The following ADAM11 variants were observed in gnomAD, a reference collection of about 807,000 sequenced individuals.
The protein encoded by ADAM11 is disintegrin and metalloproteinase domain-containing protein 11.
ADAM11 carries 49 observed loss-of-function variants against 119.1 expected under a neutral mutation model. The observed-to-expected ratio is 0.41, with a 90% CI of 0.33 to 0.52. The LOEUF is 0.52. Ranked by LOEUF, ADAM11 falls within the 20% of genes least tolerant of loss-of-function variation. The pLI is 0.20. For missense variants in ADAM11, 777 were observed against 1,047.5 expected (o/e 0.74, Z 3.56); for synonymous variants, 364 against 408.0 (o/e 0.89, Z 1.30).
chr17:44,772,175 G>C lies in ADAM11; in HGVS notation c.544-92G>C. On this transcript the variant is annotated intron_variant, in intron 6 of 26. Coordinates refer to ENST00000200557, the MANE Select transcript of ADAM11 (RefSeq NM_002390.6). The surrounding 1 kb of genome is among the most constrained non-coding windows in gnomAD (Gnocchi z 4.5). ...GGCCAGTTCTGGGTCACCCCAGGGT[G>C]GGGTGGAGGCGAGGGCTGGATCTGG... 1 of 1,232,506 alleles carries C rather than the reference G, an allele frequency of 8.1e-7. No individual in the cohort carries two copies. The highest frequency in any genetic ancestry group is 1.2e-6 in the Non-Finnish European group (1 of 868,704). The allele number at this position is 1,232,506 out of a possible 1,614,324, so 76.3% of individuals were successfully genotyped here. A position where few individuals can be genotyped will look rare whatever the true frequency, so the allele number is the denominator to read the frequency against.
Position 44,769,970 on chromosome 17 carries a change from CCT to C in ADAM11, c.315-9_315-8del. The C allele has an allele frequency of 3.1e-6, 5 of 1,614,054 alleles. No homozygotes were observed. The highest frequency in any genetic ancestry group is 2.2e-5 in the East Asian group (1 of 44,880). On this transcript the variant is annotated splice_polypyrimidine_tract_variant and intron_variant, in intron 3 of 26. Transcript: ENST00000200557. ...CCCGTGACCCCCCTTCCTGCTGCCC[CCT>C]CTGTCTCAGCCACCTCCTCTCCTCG...
At position 44,780,014 on chromosome 17, in the gene ADAM11, G is replaced by A. The variant is rs1202202983; in HGVS notation, c.*260G>A. 11 of 700,254 alleles carry A rather than the reference G, an allele frequency of 1.6e-5. No homozygotes were observed. The highest frequency in any genetic ancestry group is 2.3e-5 in the Non-Finnish European group (9 of 384,564). 43.4% of individuals were successfully genotyped at this position (700,254 alleles called of 1,614,324 possible). On this transcript the variant is annotated 3_prime_UTR_variant, in exon 27 of 27. Coordinates refer to ENST00000200557, the MANE Select transcript of ADAM11 (RefSeq NM_002390.6). ...CAGCCTTGCACACCCACTGCCCCGTGTGAATGTAGCTTCCACCTCATGGAT... is the reference window on the plus strand; with the variant it reads ...CAGCCTTGCACACCCACTGCCCCGTATGAATGTAGCTTCCACCTCATGGAT...
rs367971134 is a variant in ADAM11, at chr17:44,778,085, G to A, written c.2185+19G>A. 8.7e-6 allele frequency: 14 copies of A among 1,610,704 alleles called. No individual in the cohort carries two copies. The East Asian group carries it at 1.3e-4, about 15-fold the overall frequency. ...TATAAAGGTGAGGCTGGAGCTGGCC[G>A]AGGGGGGTCTGTCTGTCCTGCTCTC... On this transcript the variant is annotated intron_variant, in intron 24 of 26. Coordinates refer to ENST00000200557, the MANE Select transcript of ADAM11 (RefSeq NM_002390.6).
chr17:44,759,215 C>A lies in ADAM11; in HGVS notation c.16C>A (p.Arg6Ser). ...TGAGCGAGCCATGAGGCTGCTGCGG[C>A]GCTGGGCGTTCGCGGCTCTGCTGCT... MRLLR[R>S]WAFAALLLSL... The change falls in exon 1 of 27, where the codon CGC becomes AGC. Residue 6 changes from arginine (R) to serine (S), a missense_variant. Physicochemically the swap from Arg to Ser is moderately radical, Grantham distance 110. This residue lies in a region of ADAM11 where 278 missense variants were observed against 310.1 expected (regional missense o/e 0.90). Transcript: ENST00000200557. 1 of 1,435,674 alleles carries A rather than the reference C, an allele frequency of 7.0e-7. No individual in the cohort carries two copies. Among genetic ancestry groups the A allele is most frequent in the Middle Eastern group, 2.5e-4 (1 of 4,028 alleles). 88.9% of individuals were successfully genotyped at this position (1,435,674 alleles called of 1,614,324 possible).
chr17:44,764,825 G>A (rs985982387), intron 2 of ADAM11, among the ~76,000 whole-genome samples: 7 of 152,304 alleles, frequency 4.6e-5, no homozygotes, highest in Admixed American at 1.3e-4. Flanking sequence ...CAGAAGAGCC[G>A]ATGGTCAACA....
At position 44,771,566 on chromosome 17, in the gene ADAM11, A is replaced by G; in HGVS notation, c.382-18A>G. On this transcript the variant is annotated intron_variant, in intron 4 of 26. Transcript: ENST00000200557. ...CCGGCCTCATGCCAGCGTTCTGCTCACTGTTCTGCTCCTTCAGGGGGCTGG... is the reference window on the plus strand; with the variant it reads ...CCGGCCTCATGCCAGCGTTCTGCTCGCTGTTCTGCTCCTTCAGGGGGCTGG... The G allele has an allele frequency of 6.2e-7, 1 of 1,609,308 alleles. No individual in the cohort carries two copies. The highest frequency in any genetic ancestry group is 8.5e-7 in the Non-Finnish European group (1 of 1,178,790).
chr17:44,774,408 G>A (rs1243807162), intron 12 of ADAM11, 29 bp downstream of exon 12: 2 of 1,533,810 alleles, frequency 1.3e-6, no homozygotes, highest in African/African-American at 2.7e-5. Context: ...TGGCTGGGGT[G>A]GCGGCTGAGG....
At chr17:44,779,326 C>A in intron 26 of ADAM11, 87 bp downstream of exon 26, 3 of 1,497,722 alleles carry the variant, frequency 2.0e-6, no homozygotes, top group Non-Finnish European at 2.7e-6. Flanking sequence ...ATTCGTCACC[C>A]CGCGTTCTGT....
At position 44,775,778 on chromosome 17, in the gene ADAM11, G is replaced by T; in HGVS notation, c.1485+102G>T. 1 of 1,228,478 alleles carries T rather than the reference G, an allele frequency of 8.1e-7. No individual in the cohort carries two copies. Among genetic ancestry groups the T allele is most frequent in the Admixed American group, 2.3e-5 (1 of 42,700 alleles). 76.1% of individuals were successfully genotyped at this position (1,228,478 alleles called of 1,614,324 possible). On this transcript the variant is annotated intron_variant, in intron 17 of 26. Transcript: ENST00000200557. This position sits in a 1 kb window ranked among gnomAD's most constrained non-coding sequence, Gnocchi z 7.5. ...TAGGGAGGGAAGCGGAGCCTTCGGG[G>T]ACGAAGGCCTCTGGGGCAGGGCTTG...
intron 1 of ADAM11, 131 bp from the exon 2 acceptor site, chr17:44,759,591 A>G (rs968080058): frequency 7.7e-7 from 1 of 1,300,938 alleles, no homozygotes; most frequent in African/African-American, 1.5e-5. Context: ...GGGCAGCCAG[A>G]TCCTCCCACC....
rs2049549869 is a variant in ADAM11, at chr17:44,773,128, C to T, written c.825+43C>T. 8 of 1,601,514 alleles carry T rather than the reference C, an allele frequency of 5.0e-6. No homozygotes were observed. The highest frequency in any genetic ancestry group is 6.8e-6 in the Non-Finnish European group (8 of 1,169,376). On this transcript the variant is annotated intron_variant, in intron 10 of 26. Coordinates refer to ENST00000200557, the MANE Select transcript of ADAM11 (RefSeq NM_002390.6). The surrounding 1 kb of genome is among the most constrained non-coding windows in gnomAD (Gnocchi z 4.6). ...CCTCCCTTCCCTCCTCCTCATGCCC[C>T]CCACCCCACCACACACATTAGGGGG...
Position 44,781,517 on chromosome 17 carries a change from T to C in ADAM11, c.*1763T>C, listed in dbSNP as rs2049693689. 1.3e-5 allele frequency: 2 copies of C among 152,340 alleles called. No individual in the cohort carries two copies. Among genetic ancestry groups the C allele is most frequent in the Admixed American group, 1.3e-4 (2 of 15,286 alleles). 9.4% of individuals were successfully genotyped at this position (152,340 alleles called of 1,614,324 possible). A position where few individuals can be genotyped will look rare whatever the true frequency, so the allele number is the denominator to read the frequency against. The stretch of plus-strand genomic sequence containing the variant: ...GGTGCACCCGTGCACACAGGTACAG[T>C]GCATCTGGGCACAGCTTTTGGATCC... On this transcript the variant is annotated 3_prime_UTR_variant, in exon 27 of 27. Coordinates refer to ENST00000200557, the MANE Select transcript of ADAM11 (RefSeq NM_002390.6).
At position 44,780,627 on chromosome 17, in the gene ADAM11, GGGGCCGACTCA is replaced by G. The variant is rs1337195243; in HGVS notation, c.*877_*887del. ...TCCCCCTTTCAAGAAGGGTGATTCT[GGGGCCGACTCA>G]GGGTTTAGGTGCCCCCTGGTGTGGC... On this transcript the variant is annotated 3_prime_UTR_variant, in exon 27 of 27. Transcript: ENST00000200557. 3 of 171,342 alleles carry G rather than the reference GGGGCCGACTCA, an allele frequency of 1.8e-5. No individual in the cohort carries two copies. The highest frequency in any genetic ancestry group is 3.7e-5 in the Non-Finnish European group (3 of 81,428). 10.6% of individuals were successfully genotyped at this position (171,342 alleles called of 1,614,324 possible).
In ADAM11 at chr17:44,775,893, G is replaced by A. The variant is rs2049594493; in HGVS notation, c.1485+217G>A. ...AGGAGCGGGAAGGGAAGGCTGCCCA[G>A]AATCAAGGAGGGGCGGGAAGGTGGG... On this transcript the variant is annotated intron_variant, in intron 17 of 26. Transcript: ENST00000200557. This position sits in a 1 kb window ranked among gnomAD's most constrained non-coding sequence, Gnocchi z 7.5. Among the ~76,000 whole-genome samples the A allele has an allele frequency of 6.6e-6, 1 of 150,842 alleles. No individual in the cohort carries two copies. Among genetic ancestry groups the A allele is most frequent in the African/African-American group, 2.4e-5 (1 of 41,070 alleles).
chr17:44,763,318 C>T (rs2049410986), intron 2 of ADAM11, among the ~76,000 whole-genome samples: 1 of 152,212 alleles, frequency 6.6e-6, no homozygotes, highest in South Asian at 2.1e-4. Flanking sequence ...CGTAACTGCC[C>T]CAAGTGACAC....
intron 2 of ADAM11, among the ~76,000 whole-genome samples, chr17:44,763,918 T>C (rs2049417893): frequency 6.6e-6 from 1 of 152,168 alleles, no homozygotes; most frequent in Non-Finnish European, 1.5e-5. Flanking sequence ...GGTTTCACCA[T>C]GCTGGCCAAA....
chr17:44,772,849 C>A lies in ADAM11; in HGVS notation c.679-8C>A, dbSNP rs773292017. 1.9e-6 allele frequency: 3 copies of A among 1,612,232 alleles called. No individual in the cohort carries two copies. In the East Asian group the frequency reaches 6.7e-5, roughly 36 times the overall value. Reference sequence around the variant, plus strand: ...GGGACTGATTCCAAGTGCCCACCCACCCCCCAGGTCCGCCGGGGCCACCCT... The same window carrying A: ...GGGACTGATTCCAAGTGCCCACCCAACCCCCAGGTCCGCCGGGGCCACCCT... On this transcript the variant is annotated splice_region_variant and splice_polypyrimidine_tract_variant and intron_variant, in intron 8 of 26. Transcript: ENST00000200557. The surrounding 1 kb of genome is among the most constrained non-coding windows in gnomAD (Gnocchi z 4.5).
intron 26 of ADAM11, 87 bp downstream of exon 26, chr17:44,779,326 C>T (rs1484811391): frequency 1.3e-6 from 2 of 1,497,604 alleles, no homozygotes; most frequent in African/African-American, 1.5e-5. Context: ...ATTCGTCACC[C>T]CGCGTTCTGT....
chr17:44,759,373 G>T, intron 1 of ADAM11, 113 bp downstream of exon 1: 1 of 1,267,426 alleles, frequency 7.9e-7, no homozygotes, highest in African/African-American at 1.5e-5. Flanking sequence ...CAGCCGGTCC[G>T]GAGCGCGGGA....
Sources: allele counts gnomAD v4.1 joint callset (sites outside exome capture counted in the v4.1 genomes callset), GRCh38; gene constraint gnomAD v4.1.1; regional missense constraint gnomAD v4.1.1; non-coding constraint Gnocchi (gnomAD v3.1); transcripts MANE v1.5; gene names NCBI Gene and HGNC (gene_info 2026-07-23, HGNC 2026-07-21).